CDYL: variants seen among roughly 807,000 people sequenced by gnomAD.
CDYL encodes the protein chromodomain Y-like protein.
In CDYL, 8 loss-of-function variants were observed where a neutral mutation model predicts 47.3. The observed-to-expected ratio is 0.17, with a 90% CI of 0.10 to 0.31. The LOEUF is 0.31. CDYL is among the 10% of genes least tolerant of loss of function. The pLI, the probability that CDYL is intolerant of heterozygous loss-of-function variation, is 1.00. For synonymous variants in CDYL, 266 were observed against 265.0 expected (o/e 1.00, Z -0.04); for missense variants, 471 against 701.4 (o/e 0.67, Z 3.71).
At chr6:4,920,828 C>T (rs186144128) in intron 2 of CDYL, among the ~76,000 whole-genome samples, 30 of 152,330 alleles carry the variant, frequency 2.0e-4, no homozygotes, top group African/African-American at 7.0e-4. Flanking sequence ...GTTGGCCAGA[C>T]TGGTCTCAGA....
At chr6:4,948,935 T>A (rs1485356080) in intron 5 of CDYL, among the ~76,000 whole-genome samples, 1 of 152,270 alleles carries the variant, frequency 6.6e-6, no homozygotes, top group African/African-American at 2.4e-5. Flanking sequence ...GCCTTTGGTG[T>A]ACTTGAGCTT....
At chr6:4,924,130 T>C (rs990227207) in intron 2 of CDYL, among the ~76,000 whole-genome samples, 2 of 152,202 alleles carry the variant, frequency 1.3e-5, no homozygotes, top group African/African-American at 2.4e-5. Context: ...TAATTAATTA[T>C]CTAGAGTTGA....
chr6:4,709,171 C>T (rs943759416), intron 1 of CDYL, among the ~76,000 whole-genome samples: 3 of 151,982 alleles, frequency 2.0e-5, no homozygotes, highest in African/African-American at 7.3e-5. Context: ...TGTCACTATG[C>T]ACTAATTCTG....
At chr6:4,897,054 C>T (rs62384660) in intron 2 of CDYL, among the ~76,000 whole-genome samples, 2,765 of 152,270 alleles carry the variant, frequency 0.018, 39 homozygotes, top group Non-Finnish European at 0.024. Context: ...ATGCAGCTAG[C>T]TGTCTTCTTT....
intron 1 of CDYL, among the ~76,000 whole-genome samples, chr6:4,812,248 G>T (rs900405671): frequency 3.3e-5 from 5 of 152,204 alleles, no homozygotes; most frequent in South Asian, 4.1e-4. Flanking sequence ...TGTGTGGTGT[G>T]TGTAGACCTG....
intron 3 of CDYL, among the ~76,000 whole-genome samples, chr6:4,759,529 G>T (rs1336437636): frequency 6.6e-6 from 1 of 151,822 alleles, no homozygotes; most frequent in Non-Finnish European, 1.5e-5. Context: ...TTGAGTTTTA[G>T]CAACTTTGTA....
chr6:4,850,671 C>T (rs900577373), intron 1 of CDYL, among the ~76,000 whole-genome samples: 2 of 151,880 alleles, frequency 1.3e-5, no homozygotes, highest in Admixed American at 1.3e-4. Flanking sequence ...ATGAAATATG[C>T]CATTTGATAA....
At chr6:4,759,346 T>C (rs1758133750) in intron 3 of CDYL, among the ~76,000 whole-genome samples, 2 of 152,190 alleles carry the variant, frequency 1.3e-5, no homozygotes, top group South Asian at 4.1e-4. Flanking sequence ...CAAAGAGACT[T>C]TGTGCATTTT....
At chr6:4,707,331 A>G (rs1280109396) in intron 1 of CDYL, among the ~76,000 whole-genome samples, 1 of 152,168 alleles carries the variant, frequency 6.6e-6, no homozygotes, top group Non-Finnish European at 1.5e-5. Context: ...GCTGGAGTGC[A>G]GTGGCGTACA....
intron 3 of CDYL, among the ~76,000 whole-genome samples, chr6:4,747,482 T>C (rs1367819270): frequency 6.6e-6 from 1 of 152,172 alleles, no homozygotes; most frequent in Non-Finnish European, 1.5e-5. Context: ...CTGGCCCTCA[T>C]GTCCCACTCC....
chr6:4,734,626 TG>T, intron 2 of CDYL: 1 of 1,213,112 alleles, frequency 8.2e-7, no homozygotes, highest in Non-Finnish European at 1.1e-6. Flanking sequence ...CCAGTTTCTA[TG>T]TTCAGTTAGA....
chr6:4,844,785 G>A lies in CDYL; in HGVS notation c.25-46928G>A, dbSNP rs1760604607. On this transcript the variant is annotated intron_variant, in intron 1 of 6. Coordinates refer to ENST00000397588, the MANE Select transcript of CDYL (RefSeq NM_004824.4). ...GTAGCTTATGAGTTCAGAGCAACTA[G>A]TGCTAAAGGAAGGCTATTTTGTTGT... 2.0e-5 allele frequency among the ~76,000 whole-genome samples: 3 copies of A among 152,092 alleles called. No individual in the cohort carries two copies. In the South Asian group the frequency reaches 6.2e-4, roughly 31 times the overall value.
At chr6:4,809,689 G>A (rs1311210548) in intron 1 of CDYL, among the ~76,000 whole-genome samples, 1 of 150,042 alleles carries the variant, frequency 6.7e-6, no homozygotes, top group Non-Finnish European at 1.5e-5. Flanking sequence ...TTGTATGGTA[G>A]GGGTATTATA....
intron 2 of CDYL, chr6:4,733,227 A>G: frequency 6.6e-6 from 1 of 151,938 alleles, no homozygotes; most frequent in South Asian, 2.1e-4. Flanking sequence ...AATGTCAGTG[A>G]CTCTTCACTG....
At chr6:4,819,210 G>C (rs11969442) in intron 1 of CDYL, among the ~76,000 whole-genome samples, 56 of 142,108 alleles carry the variant, frequency 3.9e-4, no homozygotes, top group African/African-American at 1.3e-3. Flanking sequence ...TTCATTTTTC[G>C]TGAATAGGGA....
At chr6:4,889,638 G>T (rs1238115690) in intron 1 of CDYL, among the ~76,000 whole-genome samples, 1 of 152,046 alleles carries the variant, frequency 6.6e-6, no homozygotes, top group African/African-American at 2.4e-5. Context: ...TTTTGTCTTT[G>T]TTTAATGCCA....
intron 2 of CDYL, among the ~76,000 whole-genome samples, chr6:4,901,472 A>G (rs1272806206): frequency 6.6e-6 from 1 of 152,172 alleles, no homozygotes; most frequent in African/African-American, 2.4e-5. Flanking sequence ...TCTTCCGAGC[A>G]TGCTATTCTG....
intron 1 of CDYL, among the ~76,000 whole-genome samples, chr6:4,783,229 T>C (rs1276353776): frequency 4.6e-5 from 7 of 151,506 alleles, no homozygotes; most frequent in Non-Finnish European, 7.4e-5. Flanking sequence ...AGTGAGGGAC[T>C]ATGGATGGAA....
At chr6:4,719,802 A>C (rs1757335819) in intron 2 of CDYL, among the ~76,000 whole-genome samples, 3 of 152,154 alleles carry the variant, frequency 2.0e-5, no homozygotes, top group Middle Eastern at 3.2e-3. Flanking sequence ...TGAAACAGTC[A>C]CCAGAATTTG....
Sources: gnomAD v4.1 joint callset for allele counts (sites outside exome capture counted in the v4.1 genomes callset) on GRCh38, gnomAD v4.1.1 for gene constraint, MANE v1.5 for transcripts, NCBI Gene and HGNC (gene_info 2026-07-23, HGNC 2026-07-21) for gene names.